MALRD1: variants seen among roughly 807,000 people sequenced by gnomAD.
MALRD1 encodes the protein MAM and LDL-receptor class A domain-containing protein 1.
A neutral mutation model predicts 242.1 loss-of-function variants in MALRD1; 247 were observed. That is an observed-to-expected ratio of 1.02 (90% CI 0.92 to 1.13). MALRD1 has a LOEUF of 1.13. MALRD1 is among the 50% of genes most tolerant of loss of function. The pLI is 0.00. For synonymous variants in MALRD1, 995 were observed against 866.6 expected, an observed-to-expected ratio of 1.15 and a Z score of -2.60; for missense variants, 2,989 against 2,533.1, an observed-to-expected ratio of 1.18 and a Z score of -3.86.
intron 2 of MALRD1, among the ~76,000 whole-genome samples, chr10:19,075,381 T>C (rs1835285956): frequency 6.6e-6 from 1 of 152,016 alleles, no homozygotes; most frequent in African/African-American, 2.4e-5. Flanking sequence ...GGGCTCAGTG[T>C]AATCACATGA....
At chr10:19,493,818 C>CA (rs113877880) in intron 30 of MALRD1, among the ~76,000 whole-genome samples, 1 of 151,272 alleles carries the variant, frequency 6.6e-6, no homozygotes, top group Non-Finnish European at 1.5e-5. Context: ...TCTCAAAAAA[C>CA]AAAAAAACAA....
chr10:19,208,512 T>C (rs1836889457), intron 17 of MALRD1, among the ~76,000 whole-genome samples: 1 of 152,114 alleles, frequency 6.6e-6, no homozygotes, highest in Non-Finnish European at 1.5e-5. Flanking sequence ...AATACTGCCA[T>C]TGAAGGATTG....
intron 29 of MALRD1, among the ~76,000 whole-genome samples, chr10:19,476,359 C>A (rs1421732771): frequency 6.6e-6 from 1 of 152,080 alleles, no homozygotes; most frequent in African/African-American, 2.4e-5. Context: ...CATCTTGAGA[C>A]CCAGAATAAT....
chr10:19,155,680 T>G (rs2358340), intron 12 of MALRD1, among the ~76,000 whole-genome samples: 45,610 of 152,096 alleles, frequency 0.3, 7,977 homozygotes, highest in Non-Finnish European at 0.39. Context: ...TTTTGCCACT[T>G]TCTAACTGTG....
At chr10:19,568,183 C>G (rs1440599411) in intron 33 of MALRD1, among the ~76,000 whole-genome samples, 1 of 152,150 alleles carries the variant, frequency 6.6e-6, no homozygotes, top group South Asian at 2.1e-4. Context: ...AACACCTTTT[C>G]TAAAAAAGTC....
chr10:19,635,635 G>A lies in MALRD1; in HGVS notation c.6137+19712G>A, dbSNP rs549869523. On this transcript the variant is annotated intron_variant, in intron 36 of 39. Coordinates refer to ENST00000454679, the MANE Select transcript of MALRD1 (RefSeq NM_001142308.3). ...GATATATGGATGAATAGATGGAAAA[G>A]CTACAATGTATGGCTGCTAGGATTT... 1.8e-4 allele frequency among the ~76,000 whole-genome samples: 27 copies of A among 152,210 alleles called. No homozygotes were observed. In the South Asian group the frequency reaches 5.6e-3, roughly 32 times the overall value.
chr10:19,482,567 A>G (rs1837040108), intron 29 of MALRD1, among the ~76,000 whole-genome samples: 1 of 151,620 alleles, frequency 6.6e-6, no homozygotes, highest in African/African-American at 2.4e-5. Context: ...ATCCACAACA[A>G]TGTGCAAAAA....
At chr10:19,309,225 A>G (rs1349010429) in intron 21 of MALRD1, among the ~76,000 whole-genome samples, 2 of 151,536 alleles carry the variant, frequency 1.3e-5, no homozygotes, top group East Asian at 3.9e-4. Context: ...AGAGATGGCA[A>G]CCAGAGTAGA....
chr10:19,606,342 T>C (rs1286439785), intron 34 of MALRD1, among the ~76,000 whole-genome samples: 2 of 152,088 alleles, frequency 1.3e-5, no homozygotes, highest in African/African-American at 2.4e-5. Flanking sequence ...TAGTAGCAGG[T>C]TTGGAGTAAA....
chr10:19,619,460 T>G (rs1839307500), intron 36 of MALRD1, among the ~76,000 whole-genome samples: 1 of 152,076 alleles, frequency 6.6e-6, no homozygotes, highest in Non-Finnish European at 1.5e-5. Context: ...GAATTTGTTT[T>G]GCCCAACTTT....
At chr10:19,454,756 T>C (rs1835554964) in intron 29 of MALRD1, among the ~76,000 whole-genome samples, 1 of 149,994 alleles carries the variant, frequency 6.7e-6, no homozygotes, top group African/African-American at 2.5e-5. Context: ...ACACATTATA[T>C]GTACCGTAAT....
At chr10:19,539,572 TC>T (rs1436930667) in intron 32 of MALRD1, among the ~76,000 whole-genome samples, 5 of 152,208 alleles carry the variant, frequency 3.3e-5, no homozygotes, top group African/African-American at 1.2e-4. Context: ...GTTAGATGTG[TC>T]CCCAAATGCT....
At chr10:19,177,016 C>T (rs1835288791) in intron 14 of MALRD1, among the ~76,000 whole-genome samples, 4 of 151,952 alleles carry the variant, frequency 2.6e-5, no homozygotes. Flanking sequence ...GTGGCTCACA[C>T]CTGCAATCCT....
At chr10:19,665,385 C>T (rs1436827764) in intron 36 of MALRD1, among the ~76,000 whole-genome samples, 1 of 152,122 alleles carries the variant, frequency 6.6e-6, no homozygotes, top group Non-Finnish European at 1.5e-5. Flanking sequence ...TGCCATCTTT[C>T]TTCCGGTGAT....
chr10:19,319,790 G>A (rs530782014), intron 21 of MALRD1, among the ~76,000 whole-genome samples: 13 of 152,100 alleles, frequency 8.5e-5, no homozygotes, highest in South Asian at 8.3e-4. Context: ...AAGGCCCTGC[G>A]TAATAAGATG....
intron 29 of MALRD1, among the ~76,000 whole-genome samples, chr10:19,452,957 G>A (rs1835409934): frequency 1.3e-5 from 2 of 152,254 alleles, no homozygotes; most frequent in Admixed American, 6.5e-5. Flanking sequence ...AAATTGAGAA[G>A]ATGAAAATAG....
intron 2 of MALRD1, among the ~76,000 whole-genome samples, chr10:19,079,686 T>A (rs980118408): frequency 2.0e-5 from 3 of 152,080 alleles, no homozygotes; most frequent in Middle Eastern, 3.4e-3. Flanking sequence ...GTTTATAGTT[T>A]TTATATATTC....
intron 18 of MALRD1, among the ~76,000 whole-genome samples, chr10:19,225,142 T>C (rs1332741919): frequency 2.6e-5 from 4 of 152,156 alleles, no homozygotes; most frequent in Non-Finnish European, 5.9e-5. Context: ...AGATATGTTG[T>C]ATATTTTATG....
At chr10:19,465,855 C>T (rs1261141917) in intron 29 of MALRD1, among the ~76,000 whole-genome samples, 1 of 152,196 alleles carries the variant, frequency 6.6e-6, no homozygotes, top group African/African-American at 2.4e-5. Flanking sequence ...ATATCTTTCC[C>T]TGTCTCTGTA....
Sources: allele counts gnomAD v4.1 joint callset (sites outside exome capture counted in the v4.1 genomes callset), GRCh38; gene constraint gnomAD v4.1.1; transcripts MANE v1.5; gene names NCBI Gene and HGNC (gene_info 2026-07-23, HGNC 2026-07-21).